WNT16: variants seen among roughly 807,000 people sequenced by gnomAD.
WNT16 encodes protein Wnt-16.
In WNT16, 20 loss-of-function variants were observed where a neutral mutation model predicts 35.4. The observed-to-expected ratio is 0.56, with a 90% CI of 0.40 to 0.82. The LOEUF is 0.82. Among genes scored for constraint, WNT16 ranks in the 40% least tolerant of loss-of-function variants. WNT16 has a pLI of 0.00. For missense variants in WNT16, 461 were observed against 466.0 expected (o/e 0.99, Z 0.10); for synonymous variants, 180 against 179.2 (o/e 1.00, Z -0.03).
At chr7:121,330,244 T>C (rs532036140) in intron 2 of WNT16, among the ~76,000 whole-genome samples, 1 of 152,188 alleles carries the variant, frequency 6.6e-6, no homozygotes, top group Non-Finnish European at 1.5e-5. Context: ...CCCGGACAAG[T>C]GGCTAATTGC....
chr7:121,326,038 C>CAAAAAAAAAAA (rs386411143), upstream of WNT16, among the ~76,000 whole-genome samples: 5 of 23,092 alleles, frequency 2.2e-4, no homozygotes, highest in African/African-American at 5.4e-4. Context: ...TACCTCATCT[C>CAAAAAAAAAAA]AAAAAAAAAA....
At position 121,339,028 on chromosome 7, in the gene WNT16, GACAAA is replaced by G. The variant is rs1793485535; in HGVS notation, c.787_791del (p.Thr263GlufsTer17). 6.2e-7 allele frequency: 1 copy of G among 1,613,966 alleles called. No individual in the cohort carries two copies. The highest frequency in any genetic ancestry group is 8.5e-7 in the Non-Finnish European group (1 of 1,180,014). The stretch of plus-strand genomic sequence containing the variant: ...ATATGAAAACAGTATCCAGATATCA[GACAAA>G]ACAAAGAGGAAAATGCGCAGGAGAG... On this transcript the variant is annotated frameshift_variant, in exon 4 of 4. Coordinates refer to ENST00000222462, the MANE Select transcript of WNT16 (RefSeq NM_057168.2). LOFTEE classifies it high-confidence loss of function.
intron 2 of WNT16, among the ~76,000 whole-genome samples, chr7:121,330,134 C>A (rs952890686): frequency 1.3e-5 from 2 of 152,210 alleles, no homozygotes; most frequent in Admixed American, 6.5e-5. Flanking sequence ...CCCGTAGCGC[C>A]CCCCTACGTG....
intron 3 of WNT16, among the ~76,000 whole-genome samples, chr7:121,337,959 G>C (rs1218256029): frequency 6.6e-6 from 1 of 152,116 alleles, no homozygotes; most frequent in Non-Finnish European, 1.5e-5. Flanking sequence ...TCAAGGATAG[G>C]GCATGTGTTT....
Position 121,339,524 on chromosome 7 carries a change from T to C in WNT16, c.*179T>C, listed in dbSNP as rs771323229. 5.3e-6 allele frequency: 3 copies of C among 567,370 alleles called. No individual in the cohort carries two copies. The highest frequency in any genetic ancestry group is 2.8e-5 in the East Asian group (1 of 36,058). 35.1% of individuals were successfully genotyped at this position (567,370 alleles called of 1,614,324 possible). ...TATTTTCCTTTATCTGATCAACCCATCAATCATGTGGATTTCTTGGGATTC... is the reference window on the plus strand; with the variant it reads ...TATTTTCCTTTATCTGATCAACCCACCAATCATGTGGATTTCTTGGGATTC... On this transcript the variant is annotated 3_prime_UTR_variant, in exon 4 of 4. Coordinates refer to ENST00000222462, the MANE Select transcript of WNT16 (RefSeq NM_057168.2).
chr7:121,339,346 C>T lies in WNT16; in HGVS notation c.*1C>T, dbSNP rs750335090. On this transcript the variant is annotated 3_prime_UTR_variant, in exon 4 of 4. Transcript: ENST00000222462. ...GACTGATGTCCACACTTGCAAGTAA[C>T]CACTCCATCCAGCCTTGGGCAAGAT... The T allele has an allele frequency of 1.2e-6, 2 of 1,608,852 alleles. No individual in the cohort carries two copies. The highest frequency in any genetic ancestry group is 2.2e-5 in the South Asian group (2 of 90,874).
chr7:121,339,272 G>A lies in WNT16; in HGVS notation c.1025G>A (p.Cys342Tyr). 1 of 1,614,180 alleles carries A rather than the reference G, an allele frequency of 6.2e-7. No individual in the cohort carries two copies. ...HVVRHVERCE[C>Y]KFIWCCYVRC... ...GTCAGGCACGTGGAGAGGTGTGAGT[G>A]TAAGTTCATCTGGTGCTGCTATGTC... The change falls in exon 4 of 4, where the codon TGT (cysteine) becomes TAT (tyrosine). Residue 342 changes from cysteine to tyrosine, a missense_variant. Coordinates refer to ENST00000222462, the MANE Select transcript of WNT16 (RefSeq NM_057168.2).
Position 121,339,750 on chromosome 7 carries a change from T to C in WNT16, c.*405T>C, listed in dbSNP as rs1358219569. On this transcript the variant is annotated 3_prime_UTR_variant, in exon 4 of 4. Transcript: ENST00000222462. Reference sequence around the variant, plus strand: ...ATGGTGGGTGAACATTAGTCATTTTTAAAAGACACCTCTTATAGCAATAAG... The same window carrying C: ...ATGGTGGGTGAACATTAGTCATTTTCAAAAGACACCTCTTATAGCAATAAG... 2.9e-6 allele frequency: 1 copy of C among 345,322 alleles called. No homozygotes were observed. The highest frequency in any genetic ancestry group is 5.2e-6 in the Non-Finnish European group (1 of 190,554). 21.4% of individuals were successfully genotyped at this position (345,322 alleles called of 1,614,324 possible). A position where few individuals can be genotyped will look rare whatever the true frequency, so the allele number is the denominator to read the frequency against.
upstream of WNT16, among the ~76,000 whole-genome samples, chr7:121,327,340 T>G (rs1331329493): frequency 2.0e-5 from 3 of 149,400 alleles, no homozygotes; most frequent in African/African-American, 7.3e-5. Flanking sequence ...CAGCTAATGC[T>G]ATCTAATCCT....
chr7:121,332,236 A>G (rs202246731), intron 3 of WNT16, among the ~76,000 whole-genome samples: 2 of 51,800 alleles, frequency 3.9e-5, no homozygotes, highest in Non-Finnish European at 6.8e-5. Context: ...GAATAAATAT[A>G]CGTGTGTGTG....
chr7:121,335,408 T>TAA (rs1793426097), intron 3 of WNT16, among the ~76,000 whole-genome samples: 1 of 152,096 alleles, frequency 6.6e-6, no homozygotes, highest in African/African-American at 2.4e-5. Context: ...GATTAAATGC[T>TAA]ACCCTCCTGA....
chr7:121,336,248 A>G (rs1793444503), intron 3 of WNT16, among the ~76,000 whole-genome samples: 1 of 151,998 alleles, frequency 6.6e-6, no homozygotes, highest in Non-Finnish European at 1.5e-5. Context: ...ATATATGCCC[A>G]TAGATATTCT....
chr7:121,329,206 C>G lies in WNT16; in HGVS notation c.-87C>G, dbSNP rs1584675091. ...GAAGAGGGCGAGGGATAACTTGGTG[C>G]TGGACAACTGACCTGCGGCCCGAAG... On this transcript the variant is annotated 5_prime_UTR_variant, in exon 1 of 4. Coordinates refer to ENST00000222462, the MANE Select transcript of WNT16 (RefSeq NM_057168.2). 6.9e-7 allele frequency: 1 copy of G among 1,451,440 alleles called. No homozygotes were observed. The highest frequency in any genetic ancestry group is 9.1e-7 in the Non-Finnish European group (1 of 1,104,492). 89.9% of individuals were successfully genotyped at this position (1,451,440 alleles called of 1,614,324 possible). A position where few individuals can be genotyped will look rare whatever the true frequency, so the allele number is the denominator to read the frequency against.
chr7:121,329,462 A>C, intron 1 of WNT16, 75 bp downstream of exon 1: 1 of 1,588,038 alleles, frequency 6.3e-7, no homozygotes, highest in Non-Finnish European at 8.6e-7. Flanking sequence ...CTTTCAACTG[A>C]GGCTGGGGGA....
At chr7:121,326,625 C>T (rs1477105653), upstream of WNT16, among the ~76,000 whole-genome samples, 1 of 151,968 alleles carries the variant, frequency 6.6e-6, no homozygotes, top group Admixed American at 6.5e-5. Flanking sequence ...AGTAATCTTC[C>T]TTTGTGTGTT....
chr7:121,337,594 C>T (rs1793463840), intron 3 of WNT16, among the ~76,000 whole-genome samples: 1 of 152,198 alleles, frequency 6.6e-6, no homozygotes, highest in Admixed American at 6.5e-5. Flanking sequence ...AACTCCACAG[C>T]TAGCCCTGAC....
rs747618226 is a variant in WNT16, at chr7:121,329,368, G to A, written c.76G>A (p.Gly26Arg). Residue 26 changes from glycine (G) to arginine (R), a missense_variant, in exon 1 of 4, where the codon GGA (glycine) becomes AGA (arginine). Coordinates refer to ENST00000222462, the MANE Select transcript of WNT16 (RefSeq NM_057168.2). ...AGCCCTGCTCGTGCTGTTCCCCTAC[G>A]GAGCCCAAGGAAACTGGATGTGAGT... is the stretch of plus-strand genomic sequence containing the variant. Reference protein sequence around the residue: ...WAALLVLFPYGAQGNWMWLGI... With the variant: ...WAALLVLFPYRAQGNWMWLGI... The A allele has an allele frequency of 1.9e-6, 3 of 1,610,632 alleles. No homozygotes were observed. Among genetic ancestry groups the A allele is most frequent in the East Asian group, 4.5e-5 (2 of 44,802 alleles).
chr7:121,328,983 G>A (rs1169295389), upstream of WNT16: 9 of 1,118,516 alleles, frequency 8.0e-6, no homozygotes, highest in African/African-American at 4.9e-5. Flanking sequence ...CGGGGGCGAT[G>A]GAGACGCGGA....
intron 1 of WNT16, 66 bp downstream of exon 1, chr7:121,329,453 T>C: frequency 6.3e-7 from 1 of 1,590,328 alleles, no homozygotes; most frequent in African/African-American, 1.3e-5. Context: ...CCTAGGGAAC[T>C]TTCAACTGAG....
Sources: allele counts gnomAD v4.1 joint callset (sites outside exome capture counted in the v4.1 genomes callset), GRCh38; gene constraint gnomAD v4.1.1; transcripts MANE v1.5; gene names NCBI Gene and HGNC (gene_info 2026-07-23, HGNC 2026-07-21).